SEMA5A: variants seen among roughly 807,000 people sequenced by gnomAD.
SEMA5A encodes semaphorin-5A.
In SEMA5A, 55 loss-of-function variants were observed where a neutral mutation model predicts 135.5. That is an observed-to-expected ratio of 0.41 (90% CI 0.33 to 0.51). The LOEUF (loss-of-function observed/expected upper bound fraction) is 0.51, where lower values mean the gene tolerates loss of function less well. Ranked by LOEUF, SEMA5A falls within the 20% of genes least tolerant of loss-of-function variation. The probability of loss-of-function intolerance (pLI) is 0.37; values close to 1 mark genes in which losing one functional copy is unlikely to be tolerated. For synonymous variants in SEMA5A, 580 were observed against 546.5 expected (o/e 1.06, Z -0.85); for missense variants, 1,290 against 1,419.9 (o/e 0.91, Z 1.47).
intron 13 of SEMA5A, among the ~76,000 whole-genome samples, chr5:9,126,370 C>T (rs1016606309): frequency 1.3e-5 from 2 of 152,068 alleles, no homozygotes; most frequent in Non-Finnish European, 1.5e-5. Context: ...GAGGATCGGA[C>T]ATTGGATGTG....
At chr5:9,539,439 C>A in intron 1 of SEMA5A, among the ~76,000 whole-genome samples, 1 of 152,098 alleles carries the variant, frequency 6.6e-6, no homozygotes, top group East Asian at 1.9e-4. Flanking sequence ...AAAAAGCCTG[C>A]CATATTTTTA....
At chr5:9,326,845 G>A (rs1166311049) in intron 4 of SEMA5A, among the ~76,000 whole-genome samples, 1 of 152,090 alleles carries the variant, frequency 6.6e-6, no homozygotes, top group East Asian at 1.9e-4. Flanking sequence ...AAATTAGTTT[G>A]ATTATCTAAG....
At chr5:9,107,939 C>T (rs938178967) in intron 16 of SEMA5A, among the ~76,000 whole-genome samples, 5 of 152,130 alleles carry the variant, frequency 3.3e-5, no homozygotes. Context: ...AAGGTGTTTG[C>T]AGAGCTTCTA....
chr5:9,382,217 A>G (rs1286749040), intron 2 of SEMA5A, among the ~76,000 whole-genome samples: 1 of 152,132 alleles, frequency 6.6e-6, no homozygotes, highest in Non-Finnish European at 1.5e-5. Flanking sequence ...GGAGGATTGC[A>G]TTAGTCCAGA....
At chr5:9,270,245 G>A (rs1457122285) in intron 5 of SEMA5A, among the ~76,000 whole-genome samples, 1 of 152,038 alleles carries the variant, frequency 6.6e-6, no homozygotes, top group Admixed American at 6.5e-5. Flanking sequence ...TGATTCCACT[G>A]GAAGAAGACT....
intron 1 of SEMA5A, among the ~76,000 whole-genome samples, chr5:9,453,723 T>C (rs1054909972): frequency 7.2e-5 from 11 of 152,134 alleles, no homozygotes; most frequent in African/African-American, 2.7e-4. Context: ...CTAGGAGCAG[T>C]GGTTCAGGAT....
At chr5:9,327,937 C>A (rs572627386) in intron 4 of SEMA5A, among the ~76,000 whole-genome samples, 1 of 152,222 alleles carries the variant, frequency 6.6e-6, no homozygotes, top group South Asian at 2.1e-4. Flanking sequence ...CTGAATATTT[C>A]TATGGTTCCT....
intron 12 of SEMA5A, among the ~76,000 whole-genome samples, chr5:9,148,072 A>G (rs945229361): frequency 6.6e-6 from 1 of 152,062 alleles, no homozygotes; most frequent in African/African-American, 2.4e-5. Flanking sequence ...GTTCTATGAT[A>G]AAAGATTAAG....
In SEMA5A at chr5:9,486,054, A is replaced by C. The variant is rs554085790; in HGVS notation, c.-174-48202T>G. ...CATCAATGCAGACTAGATAAAGAAA[A>C]TGTGGTACATCTACACCATGGAATA... On this transcript the variant is annotated intron_variant, in intron 1 of 22. Transcript: ENST00000382496. 5.3e-5 allele frequency among the ~76,000 whole-genome samples: 8 copies of C among 152,246 alleles called. No individual in the cohort carries two copies. The South Asian group carries it at 1.7e-3, about 32-fold the overall frequency.
At chr5:9,424,321 AGAG>A (rs1757570400) in intron 2 of SEMA5A, among the ~76,000 whole-genome samples, 1 of 152,244 alleles carries the variant, frequency 6.6e-6, no homozygotes, top group Non-Finnish European at 1.5e-5. Context: ...AAATCCCTCA[AGAG>A]GAGAATTACC....
At chr5:9,526,899 T>C (rs906983192) in intron 1 of SEMA5A, among the ~76,000 whole-genome samples, 4 of 152,196 alleles carry the variant, frequency 2.6e-5, no homozygotes, top group Non-Finnish European at 5.9e-5. Context: ...TGCTGGAGTT[T>C]TTAACTTCTC....
intron 2 of SEMA5A, among the ~76,000 whole-genome samples, chr5:9,432,450 C>A (rs1757890557): frequency 6.6e-6 from 1 of 151,646 alleles, no homozygotes; most frequent in Non-Finnish European, 1.5e-5. Flanking sequence ...TCAGCAAGCA[C>A]TTTTTTTTTC....
rs190269534 is a variant in SEMA5A, at chr5:9,062,768, T to C, written c.2518+119A>G. On this transcript the variant is annotated intron_variant, in intron 18 of 22. Coordinates refer to ENST00000382496, the MANE Select transcript of SEMA5A (RefSeq NM_003966.3). ...GAGCAACCACGCATAGCCAAGACAT[T>C]TATTAAGAACACAGATCTCAAACAC... 3.7e-4 allele frequency: 384 copies of C among 1,039,742 alleles called. No individual in the cohort carries two copies. The Middle Eastern group carries it at 7.5e-3, about 20-fold the overall frequency. 64.4% of individuals were successfully genotyped at this position (1,039,742 alleles called of 1,614,324 possible).
chr5:9,426,718 C>T (rs911948544), intron 2 of SEMA5A, among the ~76,000 whole-genome samples: 28 of 152,080 alleles, frequency 1.8e-4, no homozygotes, highest in African/African-American at 6.3e-4. Flanking sequence ...TAGAAATGTT[C>T]GTTCTGGGTG....
intron 10 of SEMA5A, among the ~76,000 whole-genome samples, chr5:9,190,910 G>T (rs77828768): frequency 0.013 from 1,957 of 152,302 alleles, 44 homozygotes; most frequent in African/African-American, 0.045. Context: ...TACTGCAGCA[G>T]GGGGTCTGTA....
In SEMA5A at chr5:9,041,082, C is replaced by G. The variant is rs1735942111; in HGVS notation, c.*1815G>C. ...AACATGAAGTCCCCACTGCAAAGAC[C>G]CTGAATGTCATTAATCCAAAATAAC... On this transcript the variant is annotated 3_prime_UTR_variant, in exon 23 of 23. Coordinates refer to ENST00000382496, the MANE Select transcript of SEMA5A (RefSeq NM_003966.3). The G allele has an allele frequency of 6.6e-6, 1 of 152,140 alleles. No individual in the cohort carries two copies. Among genetic ancestry groups the G allele is most frequent in the Non-Finnish European group, 1.5e-5 (1 of 68,036 alleles). The allele number at this position is 152,140 out of a possible 1,614,324, so 9.4% of individuals were successfully genotyped here.
At chr5:9,046,905 C>T (rs1736289720) in intron 21 of SEMA5A, among the ~76,000 whole-genome samples, 1 of 152,082 alleles carries the variant, frequency 6.6e-6, no homozygotes, top group Non-Finnish European at 1.5e-5. Context: ...CAGTCCTGAT[C>T]ACTCACTCAC....
chr5:9,058,375 C>T (rs1329544929), intron 18 of SEMA5A, among the ~76,000 whole-genome samples: 1 of 152,036 alleles, frequency 6.6e-6, no homozygotes, highest in East Asian at 1.9e-4. Flanking sequence ...CATAACTCCT[C>T]CCATGTTGCT....
chr5:9,264,576 A>G (rs1178165712), intron 5 of SEMA5A, among the ~76,000 whole-genome samples: 1 of 152,182 alleles, frequency 6.6e-6, no homozygotes, highest in African/African-American at 2.4e-5. Context: ...AATGCCCTAC[A>G]GTTCTCAGCT....
Sources: gnomAD v4.1 joint callset for allele counts (sites outside exome capture counted in the v4.1 genomes callset) on GRCh38, gnomAD v4.1.1 for gene constraint, MANE v1.5 for transcripts, NCBI Gene and HGNC (gene_info 2026-07-23, HGNC 2026-07-21) for gene names.